Variants in KCNQ3 observed in about 807,000 individuals in gnomAD.
KCNQ3 encodes potassium voltage-gated channel subfamily Q member 3, also known as potassium voltage-gated channel subfamily KQT member 3.
A neutral mutation model predicts 92.5 loss-of-function variants in KCNQ3; 30 were observed. The ratio of observed to expected loss-of-function variants is 0.32; its 90% confidence interval spans 0.24 to 0.44. The LOEUF is 0.44. Ranked by LOEUF, KCNQ3 falls within the 20% of genes least tolerant of loss-of-function variation. KCNQ3 has a pLI of 1.00. For missense variants in KCNQ3, 913 were observed against 1,140.3 expected, an observed-to-expected ratio of 0.80 and a Z score of 2.87; for synonymous variants, 450 against 468.8, an observed-to-expected ratio of 0.96 and a Z score of 0.52.
intron 1 of KCNQ3, among the ~76,000 whole-genome samples, chr8:132,302,617 T>A (rs977820312): frequency 6.6e-6 from 1 of 152,200 alleles, no homozygotes; most frequent in African/African-American, 2.4e-5. Flanking sequence ...TCATTTCTTT[T>A]GAGTTCCTTC....
chr8:132,186,014 A>G, intron 2 of KCNQ3, 77 bp downstream of exon 2: 3 of 1,006,630 alleles, frequency 3.0e-6, no homozygotes, highest in South Asian at 2.6e-5. Flanking sequence ...GTCAGGGAGG[A>G]GTGCACCCAA....
chr8:132,212,574 T>A (rs1040132951), intron 1 of KCNQ3, among the ~76,000 whole-genome samples: 3 of 151,956 alleles, frequency 2.0e-5, no homozygotes, highest in African/African-American at 7.3e-5. Flanking sequence ...GAATAAGTGA[T>A]CTTTAAATCT....
At chr8:132,269,521 C>T (rs941739279) in intron 1 of KCNQ3, among the ~76,000 whole-genome samples, 1 of 152,162 alleles carries the variant, frequency 6.6e-6, no homozygotes, top group African/African-American at 2.4e-5. Context: ...TTAACCAGCT[C>T]TCTCAGTGAT....
At chr8:132,200,802 C>T (rs2130256714) in intron 1 of KCNQ3, among the ~76,000 whole-genome samples, 1 of 152,248 alleles carries the variant, frequency 6.6e-6, no homozygotes, top group South Asian at 2.1e-4. Context: ...TTATCTTCTC[C>T]TTAGTGGTTT....
At chr8:132,462,648 C>A (rs1447481449) in intron 1 of KCNQ3, among the ~76,000 whole-genome samples, 1 of 152,152 alleles carries the variant, frequency 6.6e-6, no homozygotes, top group Non-Finnish European at 1.5e-5. Flanking sequence ...GAAGCCAATC[C>A]CAGCCCTGCC....
intron 1 of KCNQ3, among the ~76,000 whole-genome samples, chr8:132,323,551 A>C (rs1277574228): frequency 1.3e-5 from 2 of 152,130 alleles, no homozygotes; most frequent in Non-Finnish European, 2.9e-5. Flanking sequence ...TTTTCCCCCA[A>C]AACCTGCTCC....
At chr8:132,471,266 C>T (rs527338057) in intron 1 of KCNQ3, among the ~76,000 whole-genome samples, 62 of 152,164 alleles carry the variant, frequency 4.1e-4, no homozygotes, top group Admixed American at 3.2e-3. Context: ...GATAGAAGCA[C>T]CACACAAGAG....
intron 1 of KCNQ3, among the ~76,000 whole-genome samples, chr8:132,302,103 G>A (rs149446067): frequency 1.3e-3 from 193 of 152,242 alleles, no homozygotes; most frequent in African/African-American, 4.4e-3. Flanking sequence ...TGAAGCAACA[G>A]CATGTGCAAA....
chr8:132,321,839 A>G (rs1671366022), intron 1 of KCNQ3, among the ~76,000 whole-genome samples: 1 of 152,086 alleles, frequency 6.6e-6, no homozygotes, highest in Non-Finnish European at 1.5e-5. Context: ...CTTGTTCTTT[A>G]AGATCTCTGA....
intron 1 of KCNQ3, among the ~76,000 whole-genome samples, chr8:132,231,918 T>C (rs1409819923): frequency 6.6e-6 from 1 of 152,190 alleles, no homozygotes; most frequent in Non-Finnish European, 1.5e-5. Context: ...TGTGCATTGA[T>C]TGAGCCCCCA....
chr8:132,361,723 A>C (rs574920160), intron 1 of KCNQ3, among the ~76,000 whole-genome samples: 1 of 152,318 alleles, frequency 6.6e-6, no homozygotes, highest in African/African-American at 2.4e-5. Flanking sequence ...AAAGAACAGA[A>C]AAACAAAATT....
chr8:132,192,064 TCTAA>T (rs1827178024), intron 1 of KCNQ3, among the ~76,000 whole-genome samples: 2 of 152,166 alleles, frequency 1.3e-5, no homozygotes, highest in African/African-American at 4.8e-5. Flanking sequence ...GGGCTGAATA[TCTAA>T]CTCTCTTTCA....
At chr8:132,383,317 G>C (rs1031893148) in intron 1 of KCNQ3, among the ~76,000 whole-genome samples, 1 of 152,200 alleles carries the variant, frequency 6.6e-6, no homozygotes, top group Non-Finnish European at 1.5e-5. Flanking sequence ...AAAATGGCTT[G>C]TGCAGTGAGT....
chr8:132,192,238 C>A lies in KCNQ3; in HGVS notation c.387-6057G>T, dbSNP rs144859541. The stretch of plus-strand genomic sequence containing the variant: ...GCCCGGCGTAGCCCCGCGCTTCTCA[C>A]GCCTCACCAGCAACCGCAGGAACCC... On this transcript the variant is annotated intron_variant, in intron 1 of 14. Coordinates refer to ENST00000388996, the MANE Select transcript of KCNQ3 (RefSeq NM_004519.4). Among the ~76,000 whole-genome samples, 1,018 of 152,328 alleles carry A rather than the reference C, an allele frequency of 6.7e-3. 14 individuals carry two copies. The highest frequency in any genetic ancestry group is 0.02 in the Middle Eastern group (6 of 294).
At chr8:132,454,097 A>G (rs2673565) in intron 1 of KCNQ3, among the ~76,000 whole-genome samples, 34,617 of 152,238 alleles carry the variant, frequency 0.23, 4,997 homozygotes, top group East Asian at 0.38. Flanking sequence ...CAAGAGAACC[A>G]TGATCTGGTT....
chr8:132,396,392 C>T (rs923338873), intron 1 of KCNQ3, among the ~76,000 whole-genome samples: 11 of 151,596 alleles, frequency 7.3e-5, no homozygotes, highest in African/African-American at 2.7e-4. Flanking sequence ...CAAAACAAAA[C>T]CCGACCTCCT....
chr8:132,245,496 T>G (rs1815143223), intron 1 of KCNQ3, among the ~76,000 whole-genome samples: 1 of 152,180 alleles, frequency 6.6e-6, no homozygotes, highest in Non-Finnish European at 1.5e-5. Flanking sequence ...AATATGCAAG[T>G]GTGATACAAA....
At chr8:132,140,454 A>C (rs1357303378) in intron 10 of KCNQ3, 3 of 412,406 alleles carry the variant, frequency 7.3e-6, no homozygotes, top group Admixed American at 4.2e-5. Flanking sequence ...TGAGCTCCGC[A>C]GTTCCAGAGT....
chr8:132,169,660 A>T (rs977146849), intron 8 of KCNQ3, among the ~76,000 whole-genome samples: 2 of 152,034 alleles, frequency 1.3e-5, no homozygotes, highest in African/African-American at 4.8e-5. Flanking sequence ...TCCTCAACCC[A>T]CTGATCCTGC....
Sources: gnomAD v4.1 joint callset for allele counts (sites outside exome capture counted in the v4.1 genomes callset) on GRCh38, gnomAD v4.1.1 for gene constraint, MANE v1.5 for transcripts, NCBI Gene and HGNC (gene_info 2026-07-23, HGNC 2026-07-21) for gene names.